GLCCI1: variants seen among roughly 807,000 people sequenced by gnomAD.
The protein encoded by GLCCI1 is glucocorticoid-induced transcript 1 protein.
A neutral mutation model predicts 52.2 loss-of-function variants in GLCCI1; 24 were observed. The observed-to-expected ratio is 0.46, with a 90% confidence interval of 0.33 to 0.65. GLCCI1 has a LOEUF of 0.65. GLCCI1 is among the 30% of genes least tolerant of loss of function. The pLI, the probability that GLCCI1 is intolerant of heterozygous loss-of-function variation, is 0.02. For missense variants in GLCCI1, 704 were observed against 701.5 expected (o/e 1.00, Z -0.04); for synonymous variants, 310 against 276.5 (o/e 1.12, Z -1.20).
At chr7:8,061,882 G>A (rs1411931863) in intron 5 of GLCCI1, among the ~76,000 whole-genome samples, 1 of 151,624 alleles carries the variant, frequency 6.6e-6, no homozygotes, top group Non-Finnish European at 1.5e-5. Flanking sequence ...GACCAGGCTG[G>A]TCTCGAACTC....
At chr7:8,077,953 G>T (rs528090491) in intron 6 of GLCCI1, among the ~76,000 whole-genome samples, 1 of 152,114 alleles carries the variant, frequency 6.6e-6, no homozygotes, top group South Asian at 2.1e-4. Context: ...CCACTATTTA[G>T]GCCGGGCGCG....
At chr7:8,021,702 C>A (rs1781496409) in intron 2 of GLCCI1, among the ~76,000 whole-genome samples, 1 of 152,186 alleles carries the variant, frequency 6.6e-6, no homozygotes, top group Non-Finnish European at 1.5e-5. Context: ...CATGCTCAGC[C>A]TATTGTTTAA....
intron 4 of GLCCI1, among the ~76,000 whole-genome samples, chr7:8,059,849 A>G (rs1272704605): frequency 6.6e-6 from 1 of 152,240 alleles, no homozygotes; most frequent in Non-Finnish European, 1.5e-5. Flanking sequence ...ACAAGTATAT[A>G]CATTATACAG....
At chr7:8,035,792 T>C (rs146644097) in intron 3 of GLCCI1, among the ~76,000 whole-genome samples, 1 of 152,200 alleles carries the variant, frequency 6.6e-6, no homozygotes, top group Admixed American at 6.5e-5. Context: ...CAAATCATGT[T>C]CCTGCCTGCC....
At chr7:8,038,412 G>A (rs188110055) in intron 3 of GLCCI1, among the ~76,000 whole-genome samples, 2 of 152,056 alleles carry the variant, frequency 1.3e-5, no homozygotes, top group African/African-American at 4.8e-5. Context: ...CTACTGGTAG[G>A]ATAGCAAAAA....
chr7:8,051,096 T>G (rs895376005), intron 3 of GLCCI1, among the ~76,000 whole-genome samples: 1 of 152,222 alleles, frequency 6.6e-6, no homozygotes, highest in African/African-American at 2.4e-5. Flanking sequence ...AGGCAGAATG[T>G]GCATCATCAG....
At chr7:8,032,747 A>C (rs1313039431) in intron 3 of GLCCI1, among the ~76,000 whole-genome samples, 2 of 152,070 alleles carry the variant, frequency 1.3e-5, no homozygotes, top group African/African-American at 4.8e-5. Flanking sequence ...TAAAAAGTAA[A>C]GAAGCTGAAT....
intron 1 of GLCCI1, among the ~76,000 whole-genome samples, chr7:7,996,990 T>A (rs1307009528): frequency 6.6e-6 from 1 of 152,250 alleles, no homozygotes; most frequent in African/African-American, 2.4e-5. Flanking sequence ...GGTGATTTTA[T>A]TTTACGTGGC....
chr7:8,006,807 G>A (rs898132508), intron 2 of GLCCI1, among the ~76,000 whole-genome samples: 5 of 152,132 alleles, frequency 3.3e-5, no homozygotes, highest in South Asian at 2.1e-4. Flanking sequence ...GGCCCACCTC[G>A]TCTGAGCCTA....
rs570249106 is a variant in GLCCI1 at position 7,968,826 on chromosome 7, A to AGCG, written c.-506_-504dup. 3.8e-3 allele frequency: 611 copies of AGCG among 160,240 alleles called. 2 individuals carry two copies. Among genetic ancestry groups the AGCG allele is most frequent in the African/African-American group, 0.013 (529 of 41,524 alleles). 9.9% of individuals were successfully genotyped at this position (160,240 alleles called of 1,614,324 possible). On this transcript the variant is annotated 5_prime_UTR_variant, in exon 1 of 8. Transcript: ENST00000223145. Reference sequence around the variant, plus strand: ...CCATTCGGAGTGAGGAGTGGGTAGAAGCGGCGGCGGCGGCGGCGGCGTTTG... The same window carrying AGCG: ...CCATTCGGAGTGAGGAGTGGGTAGAAGCGGCGGCGGCGGCGGCGGCGGCGTTTG...
intron 1 of GLCCI1, among the ~76,000 whole-genome samples, chr7:7,990,378 A>G (rs903996116): frequency 3.3e-5 from 5 of 152,138 alleles, no homozygotes; most frequent in South Asian, 2.1e-4. Flanking sequence ...GGTAATATCA[A>G]TTGACTCTTT....
chr7:8,081,891 A>C (rs2127968919), intron 6 of GLCCI1, among the ~76,000 whole-genome samples: 1 of 152,328 alleles, frequency 6.6e-6, no homozygotes, highest in South Asian at 2.1e-4. Context: ...TTGTGAATAC[A>C]GAAAGATGTG....
intron 1 of GLCCI1, among the ~76,000 whole-genome samples, chr7:7,985,664 C>G (rs1194178029): frequency 6.6e-6 from 1 of 152,176 alleles, no homozygotes; most frequent in Middle Eastern, 3.2e-3. Flanking sequence ...ATGCTGAACA[C>G]CTTGACTGAA....
At chr7:8,065,085 G>C (rs937367281) in intron 5 of GLCCI1, among the ~76,000 whole-genome samples, 1 of 152,068 alleles carries the variant, frequency 6.6e-6, no homozygotes, top group African/African-American at 2.4e-5. Context: ...ATCTGATACT[G>C]TCATTTCTAA....
At chr7:8,021,601 C>T (rs1478300575) in intron 2 of GLCCI1, among the ~76,000 whole-genome samples, 3 of 152,056 alleles carry the variant, frequency 2.0e-5, no homozygotes, top group Non-Finnish European at 1.5e-5. Context: ...CGGGGTTTCA[C>T]CATGTTGGTC....
chr7:8,006,482 G>A (rs1431008163), intron 2 of GLCCI1, among the ~76,000 whole-genome samples: 2 of 152,094 alleles, frequency 1.3e-5, no homozygotes, highest in Non-Finnish European at 2.9e-5. Flanking sequence ...ATATTACTGT[G>A]TGATTAAGTA....
At chr7:7,979,925 T>A (rs1041055131) in intron 1 of GLCCI1, among the ~76,000 whole-genome samples, 2 of 152,170 alleles carry the variant, frequency 1.3e-5, no homozygotes, top group African/African-American at 4.8e-5. Flanking sequence ...TTATTTTTTC[T>A]TTATCTTTCT....
chr7:8,013,770 T>C (rs1019302416), intron 2 of GLCCI1, among the ~76,000 whole-genome samples: 1 of 152,214 alleles, frequency 6.6e-6, no homozygotes, highest in Non-Finnish European at 1.5e-5. Context: ...AATTAGGATA[T>C]TTAATATCTA....
At chr7:8,008,764 G>C in intron 2 of GLCCI1, among the ~76,000 whole-genome samples, 1 of 152,182 alleles carries the variant, frequency 6.6e-6, no homozygotes, top group East Asian at 1.9e-4. Flanking sequence ...GTATACTGCT[G>C]TCTGCAACTT....
Sources: allele counts gnomAD v4.1 joint callset (sites outside exome capture counted in the v4.1 genomes callset), GRCh38; gene constraint gnomAD v4.1.1; transcripts MANE v1.5; gene names NCBI Gene and HGNC (gene_info 2026-07-23, HGNC 2026-07-21).